The following KIAA1958 variants were observed in gnomAD, a reference collection of about 807,000 sequenced individuals.
KIAA1958 encodes KIAA1958.
KIAA1958 carries 14 observed loss-of-function variants against 47.2 expected under a neutral mutation model. The ratio of observed to expected loss-of-function variants is 0.30; its 90% CI spans 0.20 to 0.46. KIAA1958 has a LOEUF of 0.46. Among genes scored for constraint, KIAA1958 ranks in the 20% least tolerant of loss-of-function variants. The probability of loss-of-function intolerance (pLI) is 1.00; values close to 1 mark genes in which losing one functional copy is unlikely to be tolerated. For synonymous variants in KIAA1958, 354 were observed against 353.3 expected, an observed-to-expected ratio of 1.00 and a Z score of -0.02; for missense variants, 803 against 909.2, an observed-to-expected ratio of 0.88 and a Z score of 1.50.
chr9:112,591,701 C>T (rs1468083030), intron 2 of KIAA1958, among the ~76,000 whole-genome samples: 4 of 151,592 alleles, frequency 2.6e-5, no homozygotes, highest in Admixed American at 6.6e-5. Context: ...GAGACCATTC[C>T]GGGCAACACA....
intron 1 of KIAA1958, among the ~76,000 whole-genome samples, chr9:112,492,999 A>G (rs553084422): frequency 1.1e-4 from 15 of 140,072 alleles, no homozygotes; most frequent in South Asian, 2.2e-4. Flanking sequence ...ATATCCTCCT[A>G]TCTGGGCCTC....
chr9:112,502,089 C>G (rs548833915), intron 1 of KIAA1958, among the ~76,000 whole-genome samples: 1 of 152,084 alleles, frequency 6.6e-6, no homozygotes, highest in East Asian at 1.9e-4. Flanking sequence ...ATACCCATTT[C>G]TGGTGAGTAG....
intron 2 of KIAA1958, among the ~76,000 whole-genome samples, chr9:112,607,933 A>G (rs1836265313): frequency 6.6e-6 from 1 of 152,200 alleles, no homozygotes; most frequent in Admixed American, 6.5e-5. Flanking sequence ...ACTGTTGCTC[A>G]GTTATAAAAG....
intron 3 of KIAA1958, among the ~76,000 whole-genome samples, chr9:112,658,684 G>A (rs1837197251): frequency 6.6e-6 from 1 of 152,124 alleles, no homozygotes; most frequent in Admixed American, 6.5e-5. Context: ...TTTAGACCAG[G>A]CGTGGTGGCT....
chr9:112,582,108 A>G (rs1477628886), intron 2 of KIAA1958: 8 of 166,610 alleles, frequency 4.8e-5, no homozygotes, highest in Non-Finnish European at 5.2e-5. Context: ...GGCTTAGGAA[A>G]GGAAAGGCGT....
intron 1 of KIAA1958, among the ~76,000 whole-genome samples, chr9:112,490,802 T>C (rs541087444): frequency 6.6e-6 from 1 of 152,228 alleles, no homozygotes; most frequent in African/African-American, 2.4e-5. Flanking sequence ...ATAGTGGTAA[T>C]GCTAATGGCT....
intron 2 of KIAA1958, among the ~76,000 whole-genome samples, chr9:112,612,987 T>C (rs372153567): frequency 1.3e-5 from 2 of 152,216 alleles, no homozygotes; most frequent in East Asian, 1.9e-4. Context: ...CTCTAATACA[T>C]AGTGGTAAGA....
At chr9:112,642,989 G>GA (rs1836918318) in intron 2 of KIAA1958, among the ~76,000 whole-genome samples, 2 of 152,136 alleles carry the variant, frequency 1.3e-5, no homozygotes, top group South Asian at 4.1e-4. Context: ...GTGATTTTAA[G>GA]AAAATTTTAA....
chr9:112,659,607 C>T lies in KIAA1958; in HGVS notation c.1689C>T (p.Asn563=), dbSNP rs780925312. The T allele has an allele frequency of 2.5e-6, 4 of 1,613,908 alleles. No homozygotes were observed. In the African/African-American group the frequency reaches 5.3e-5, roughly 22 times the overall value. The change falls in exon 4 of 4, where the codon AAC becomes AAT. Residue 563 remains asparagine (N), a synonymous_variant. Transcript: ENST00000337530. ...ITLLSTVVKY[N]SQYLNMRTLQ... is the part of the protein sequence containing the mutation. Reference sequence around the variant, plus strand: ...TCCTGTCCACTGTGGTCAAGTACAACAGCCAGTACCTGAACATGCGGACGC... The same window carrying T: ...TCCTGTCCACTGTGGTCAAGTACAATAGCCAGTACCTGAACATGCGGACGC...
intron 1 of KIAA1958, among the ~76,000 whole-genome samples, chr9:112,502,992 T>G (rs949003739): frequency 4.6e-5 from 7 of 152,238 alleles, no homozygotes; most frequent in Non-Finnish European, 1.0e-4. Flanking sequence ...CACCATGTGT[T>G]AGGTACTTTT....
intron 1 of KIAA1958, among the ~76,000 whole-genome samples, chr9:112,549,900 A>G (rs370715852): frequency 4.6e-5 from 7 of 152,228 alleles, no homozygotes; most frequent in East Asian, 1.9e-4. Context: ...TCTAGCTCAC[A>G]AAGTTGATAG....
At chr9:112,494,332 C>T (rs1184892070) in intron 1 of KIAA1958, among the ~76,000 whole-genome samples, 1 of 151,888 alleles carries the variant, frequency 6.6e-6, no homozygotes, top group East Asian at 1.9e-4. Flanking sequence ...TTCATTTTCT[C>T]TCTTTGGGGC....
chr9:112,551,374 G>A (rs959774806), intron 1 of KIAA1958, among the ~76,000 whole-genome samples: 2 of 152,142 alleles, frequency 1.3e-5, no homozygotes, highest in Non-Finnish European at 2.9e-5. Flanking sequence ...TACGGGATTT[G>A]TCTTTTTAAC....
intron 1 of KIAA1958, 96 bp from the exon 2 acceptor site, chr9:112,573,961 T>A (rs1835584918): frequency 1.1e-5 from 7 of 654,108 alleles, no homozygotes; most frequent in Non-Finnish European, 1.8e-5. Flanking sequence ...GTTTTTTTTT[T>A]ATGCCAAATG....
chr9:112,634,278 G>T (rs557101467), intron 2 of KIAA1958, among the ~76,000 whole-genome samples: 25 of 152,276 alleles, frequency 1.6e-4, no homozygotes, highest in Admixed American at 9.2e-4. Flanking sequence ...GCCCAAGCTG[G>T]AGTGCAGTGG....
chr9:112,503,610 C>G (rs1057107918), intron 1 of KIAA1958, among the ~76,000 whole-genome samples: 2 of 96,706 alleles, frequency 2.1e-5, no homozygotes, highest in African/African-American at 8.8e-5. Context: ...GAGCGAGACC[C>G]TGTCTCAAAA....
At chr9:112,607,636 G>A (rs1836257688) in intron 2 of KIAA1958, among the ~76,000 whole-genome samples, 1 of 149,602 alleles carries the variant, frequency 6.7e-6, no homozygotes, top group Admixed American at 6.8e-5. Flanking sequence ...GGCTTGAAAG[G>A]ATATACTCTG....
rs756600781 is a variant in KIAA1958 at position 112,665,452 on chromosome 9, G to A, written c.*5383G>A. 1 of 152,108 alleles carries A rather than the reference G, an allele frequency of 6.6e-6. No individual in the cohort carries two copies. The highest frequency in any genetic ancestry group is 1.5e-5 in the Non-Finnish European group (1 of 68,024). The allele number at this position is 152,108 out of a possible 1,614,324, so 9.4% of individuals were successfully genotyped here. ...GAGTTAAAATTCTGAAAATCTCACC[G>A]ATAAGTTGGAGAATTTAAGTTTGTA... On this transcript the variant is annotated 3_prime_UTR_variant, in exon 4 of 4. Transcript: ENST00000337530.
chr9:112,589,287 GT>G (rs1835879368), intron 2 of KIAA1958, among the ~76,000 whole-genome samples: 1 of 152,068 alleles, frequency 6.6e-6, no homozygotes, highest in Non-Finnish European at 1.5e-5. Flanking sequence ...TTGTCTACTT[GT>G]TTGTTCATAT....
Sources: gnomAD v4.1 joint callset for allele counts (sites outside exome capture counted in the v4.1 genomes callset) on GRCh38, gnomAD v4.1.1 for gene constraint, MANE v1.5 for transcripts, NCBI Gene and HGNC (gene_info 2026-07-23, HGNC 2026-07-21) for gene names.